Variants in EYS observed in about 807,000 individuals in gnomAD.
EYS encodes the protein EGF-like photoreceptor maintenance factor, also known as protein eyes shut homolog.
In EYS, 250 loss-of-function variants were observed where a neutral mutation model predicts 282.1. The observed-to-expected ratio is 0.89, with a 90% confidence interval of 0.80 to 0.98. The LOEUF is 0.98. EYS is among the 50% of genes least tolerant of loss of function. The pLI, the probability that EYS is intolerant of heterozygous loss-of-function variation, is 0.00. For synonymous variants in EYS, 1,355 were observed against 1,282.9 expected (o/e 1.06, Z -1.20); for missense variants, 4,016 against 3,709.0 (o/e 1.08, Z -2.15).
chr6:64,377,890 C>G (rs1772613888), intron 29 of EYS: 1 of 152,062 alleles, frequency 6.6e-6, no homozygotes, highest in South Asian at 2.1e-4. Context: ...GAACAAATTA[C>G]TTGTTATTGC....
chr6:64,986,726 C>A (rs916909717), intron 14 of EYS, among the ~76,000 whole-genome samples: 4 of 112,260 alleles, frequency 3.6e-5, no homozygotes, highest in African/African-American at 1.0e-4. Context: ...ATTTCTTCAC[C>A]ATTTCATACT....
chr6:63,880,342 G>C (rs1825208), intron 35 of EYS, among the ~76,000 whole-genome samples: 73,471 of 151,976 alleles, frequency 0.48, 18,775 homozygotes, highest in African/African-American at 0.63. Flanking sequence ...CGGACTCCAA[G>C]TTCTTCAGTT....
chr6:64,739,448 G>C (rs1583100627), intron 22 of EYS, among the ~76,000 whole-genome samples: 4 of 152,280 alleles, frequency 2.6e-5, no homozygotes, highest in Middle Eastern at 3.4e-3. Flanking sequence ...TAGCAATAAT[G>C]ATCATGACCA....
chr6:65,348,160 T>C (rs1313684548), intron 9 of EYS, among the ~76,000 whole-genome samples: 2 of 151,836 alleles, frequency 1.3e-5, no homozygotes, highest in African/African-American at 4.8e-5. Flanking sequence ...TGCTTCAAAA[T>C]CTTGGCTATT....
chr6:65,246,780 A>G (rs1239445199), intron 12 of EYS, among the ~76,000 whole-genome samples: 3 of 152,260 alleles, frequency 2.0e-5, no homozygotes, highest in East Asian at 1.9e-4. Context: ...CTTTTAAAAC[A>G]ACAAAGAATG....
intron 12 of EYS, among the ~76,000 whole-genome samples, chr6:65,079,654 A>G (rs918637393): frequency 2.6e-5 from 4 of 152,134 alleles, no homozygotes; most frequent in Non-Finnish European, 4.4e-5. Flanking sequence ...AGAATTGCAT[A>G]TGTGGCTCGC....
intron 8 of EYS, among the ~76,000 whole-genome samples, chr6:65,358,009 A>T (rs894323123): frequency 1.3e-5 from 2 of 151,960 alleles, no homozygotes; most frequent in African/African-American, 4.8e-5. Flanking sequence ...TAGAATGATG[A>T]CCTTCTCTGT....
intron 10 of EYS, among the ~76,000 whole-genome samples, chr6:65,337,256 T>C (rs566004762): frequency 6.6e-6 from 1 of 151,628 alleles, no homozygotes; most frequent in Non-Finnish European, 1.5e-5. Flanking sequence ...TAATAAAGTG[T>C]TATTTACACT....
intron 19 of EYS, among the ~76,000 whole-genome samples, chr6:64,839,492 ACTG>A (rs1224214531): frequency 7.9e-5 from 12 of 152,038 alleles, no homozygotes; most frequent in African/African-American, 2.9e-4. Flanking sequence ...GCAGTAAGAC[ACTG>A]ATACAAAATA....
intron 31 of EYS, among the ~76,000 whole-genome samples, chr6:64,132,687 C>CT (rs932786471): frequency 1.6e-4 from 24 of 151,762 alleles, no homozygotes; most frequent in African/African-American, 5.8e-4. Context: ...ATACAGGACT[C>CT]TTAAAATTAT....
chr6:64,674,247 G>A (rs1243934763), intron 22 of EYS, among the ~76,000 whole-genome samples: 1 of 152,068 alleles, frequency 6.6e-6, no homozygotes, highest in Non-Finnish European at 1.5e-5. Context: ...TACCTTTTTA[G>A]CAGAGGGCAG....
intron 29 of EYS, among the ~76,000 whole-genome samples, chr6:64,371,468 A>G (rs2150413995): frequency 6.6e-6 from 1 of 152,098 alleles, no homozygotes; most frequent in Non-Finnish European, 1.5e-5. Flanking sequence ...GCATGTGTGG[A>G]TCAGAAGAAG....
At chr6:64,408,713 A>T (rs1304841343) in intron 28 of EYS, among the ~76,000 whole-genome samples, 2 of 152,200 alleles carry the variant, frequency 1.3e-5, no homozygotes, top group African/African-American at 4.8e-5. Context: ...GGGTACAGAG[A>T]ATTGGTAAAC....
intron 33 of EYS, among the ~76,000 whole-genome samples, chr6:64,013,607 A>G (rs967034352): frequency 6.6e-6 from 1 of 152,178 alleles, no homozygotes; most frequent in African/African-American, 2.4e-5. Flanking sequence ...AATATAGGCC[A>G]TGGTAAAAGT....
intron 19 of EYS, among the ~76,000 whole-genome samples, chr6:64,848,567 A>G (rs941863848): frequency 2.6e-5 from 4 of 152,068 alleles, no homozygotes; most frequent in Non-Finnish European, 5.9e-5. Flanking sequence ...CACACAGGAG[A>G]CAAAATTATG....
At chr6:65,512,358 G>A (rs535421495) in intron 2 of EYS, among the ~76,000 whole-genome samples, 47 of 151,672 alleles carry the variant, frequency 3.1e-4, no homozygotes, top group Non-Finnish European at 1.0e-4. Flanking sequence ...CGGGTGTGGC[G>A]AGCACCTGTA....
chr6:63,806,847 A>T (rs1291418242), intron 36 of EYS: 2 of 152,464 alleles, frequency 1.3e-5, no homozygotes, highest in East Asian at 3.9e-4. Flanking sequence ...AGGAAAGTCA[A>T]GAAATAGGAA....
intron 22 of EYS, chr6:64,733,063 C>A (rs1000458378): frequency 6.6e-6 from 1 of 152,206 alleles, no homozygotes; most frequent in African/African-American, 2.4e-5. Flanking sequence ...ATGGCATCAC[C>A]AGATAGGACT....
intron 26 of EYS, among the ~76,000 whole-genome samples, chr6:64,509,776 T>C (rs1444592895): frequency 6.6e-6 from 1 of 152,144 alleles, no homozygotes; most frequent in Non-Finnish European, 1.5e-5. Context: ...ATTATGTGTG[T>C]GATATTTTCA....
Sources: allele counts gnomAD v4.1 joint callset (sites outside exome capture counted in the v4.1 genomes callset), GRCh38; gene constraint gnomAD v4.1.1; transcripts MANE v1.5; gene names NCBI Gene and HGNC (gene_info 2026-07-23, HGNC 2026-07-21).